Variants in PCDH15 observed in about 807,000 individuals in gnomAD.
PCDH15 encodes protocadherin related 15.
Under a neutral mutation model 178.5 loss-of-function variants are expected in PCDH15, and 129 were observed. The ratio of observed to expected loss-of-function variants is 0.72; its 90% CI spans 0.63 to 0.84. The LOEUF is 0.84. PCDH15 is among the 40% of genes least tolerant of loss of function. The probability of loss-of-function intolerance (pLI) is 0.00; values close to 1 mark genes in which losing one functional copy is unlikely to be tolerated. For missense variants in PCDH15, 2,230 were observed against 2,099.9 expected, an observed-to-expected ratio of 1.06 and a Z score of -1.21; for synonymous variants, 800 against 732.0, an observed-to-expected ratio of 1.09 and a Z score of -1.50.
intron 1 of PCDH15, among the ~76,000 whole-genome samples, chr10:55,195,486 CA>C (rs34476628): frequency 0.098 from 11,277 of 114,976 alleles, 639 homozygotes; most frequent in African/African-American, 0.2. Flanking sequence ...ACTAAAAATA[CA>C]AAAAAAAAAA....
At chr10:55,324,145 T>C (rs1843973625), upstream of PCDH15, among the ~76,000 whole-genome samples, 1 of 152,190 alleles carries the variant, frequency 6.6e-6, no homozygotes, top group African/African-American at 2.4e-5. Flanking sequence ...TGAGGAATCC[T>C]CAGCCATGTG....
At chr10:55,432,306 T>G (rs1589021762) in intron 2 of PCDH15, among the ~76,000 whole-genome samples, 1 of 152,186 alleles carries the variant, frequency 6.6e-6, no homozygotes, top group Non-Finnish European at 1.5e-5. Context: ...AGATATGAAG[T>G]CATAGATAAA....
At chr10:54,631,490 C>A (rs2093698677) in intron 2 of PCDH15, among the ~76,000 whole-genome samples, 1 of 152,130 alleles carries the variant, frequency 6.6e-6, no homozygotes, top group Non-Finnish European at 1.5e-5. Flanking sequence ...CTGTGGAAAG[C>A]AGTTTGGAGA....
intron 2 of PCDH15, among the ~76,000 whole-genome samples, chr10:55,394,981 G>A (rs911836985): frequency 7.9e-5 from 12 of 151,890 alleles, no homozygotes; most frequent in African/African-American, 2.7e-4. Context: ...CTTAACTTGG[G>A]CAACGTGAAT....
intron 3 of PCDH15, among the ~76,000 whole-genome samples, chr10:54,856,481 A>C (rs896348266): frequency 5.3e-5 from 8 of 152,204 alleles, no homozygotes; most frequent in African/African-American, 1.9e-4. Context: ...TGAAACCAAA[A>C]TGAGCTTTTC....
At chr10:54,438,360 TG>T (rs1211809241) in intron 3 of PCDH15, among the ~76,000 whole-genome samples, 3 of 151,290 alleles carry the variant, frequency 2.0e-5, no homozygotes, top group African/African-American at 7.3e-5. Context: ...GGAGTGAATT[TG>T]TAAGTTCTTT....
At chr10:53,819,142 A>C (rs964714188) in intron 33 of PCDH15, among the ~76,000 whole-genome samples, 7 of 151,944 alleles carry the variant, frequency 4.6e-5, no homozygotes, top group African/African-American at 1.7e-4. Context: ...ACTTTTACCA[A>C]ATTTATATTT....
At chr10:55,254,599 A>T (rs1011688883) in intron 1 of PCDH15, among the ~76,000 whole-genome samples, 8 of 152,190 alleles carry the variant, frequency 5.3e-5, no homozygotes, top group Non-Finnish European at 7.3e-5. Context: ...ATATATCAAG[A>T]TTGCCTTTCT....
intron 26 of PCDH15, among the ~76,000 whole-genome samples, chr10:53,867,231 G>T (rs1414417640): frequency 6.6e-6 from 1 of 151,676 alleles, no homozygotes; most frequent in Non-Finnish European, 1.5e-5. Flanking sequence ...ATATGAATAA[G>T]AACATGTATG....
chr10:54,999,054 TC>T (rs1228908612), intron 2 of PCDH15, among the ~76,000 whole-genome samples: 2 of 147,038 alleles, frequency 1.4e-5, no homozygotes, highest in Middle Eastern at 3.4e-3. Flanking sequence ...TAAAGCACTT[TC>T]TTGTTGTTTT....
intron 14 of PCDH15, among the ~76,000 whole-genome samples, chr10:54,140,879 T>C (rs2043345461): frequency 6.6e-6 from 1 of 152,128 alleles, no homozygotes; most frequent in Non-Finnish European, 1.5e-5. Context: ...AGATTGAGTT[T>C]CACCATGTTG....
chr10:55,316,147 G>T (rs1366175769), intron 1 of PCDH15, among the ~76,000 whole-genome samples: 2 of 151,978 alleles, frequency 1.3e-5, no homozygotes, highest in African/African-American at 4.8e-5. Flanking sequence ...CTGTATATTT[G>T]AAATTATTTA....
chr10:55,128,124 G>C (rs1273500063), intron 2 of PCDH15, among the ~76,000 whole-genome samples: 2 of 152,008 alleles, frequency 1.3e-5, no homozygotes, highest in Non-Finnish European at 2.9e-5. Context: ...ATCTAACGCT[G>C]TCATACCTTG....
At chr10:53,891,236 T>A (rs1209404204) in intron 26 of PCDH15, among the ~76,000 whole-genome samples, 3 of 152,190 alleles carry the variant, frequency 2.0e-5, no homozygotes, top group African/African-American at 7.2e-5. Context: ...TGCCTTGCAA[T>A]GCAGCCTTCA....
chr10:54,574,706 TGTAAACTA>T (rs1165219377), intron 2 of PCDH15, among the ~76,000 whole-genome samples: 2 of 150,266 alleles, frequency 1.3e-5, no homozygotes, highest in African/African-American at 4.9e-5. Context: ...TTGGTGGGAC[TGTAAACTA>T]GTTCAACCAT....
chr10:53,877,812 C>G (rs900924961), intron 26 of PCDH15, among the ~76,000 whole-genome samples: 19 of 152,132 alleles, frequency 1.2e-4, no homozygotes, highest in Non-Finnish European at 1.5e-5. Flanking sequence ...AGCAAGCATT[C>G]TGATTTCTAC....
intron 2 of PCDH15, among the ~76,000 whole-genome samples, chr10:54,528,985 A>T (rs1174828920): frequency 6.6e-6 from 1 of 152,044 alleles, no homozygotes; most frequent in Non-Finnish European, 1.5e-5. Flanking sequence ...ATGCAGTTAT[A>T]CATACATGGC....
intron 8 of PCDH15, among the ~76,000 whole-genome samples, chr10:54,280,158 T>C: frequency 6.6e-6 from 1 of 151,750 alleles, no homozygotes; most frequent in Non-Finnish European, 1.5e-5. Flanking sequence ...ACTTACAAGG[T>C]CACAGGATTT....
At chr10:55,279,062 G>A (rs542113720) in intron 1 of PCDH15, among the ~76,000 whole-genome samples, 1 of 152,148 alleles carries the variant, frequency 6.6e-6, no homozygotes, top group Admixed American at 6.6e-5. Context: ...AAGATAGTTT[G>A]GGCAAATCTA....
Sources: allele counts gnomAD v4.1 joint callset (sites outside exome capture counted in the v4.1 genomes callset), GRCh38; gene constraint gnomAD v4.1.1; transcripts MANE v1.5; gene names NCBI Gene and HGNC (gene_info 2026-07-23, HGNC 2026-07-21).